Variants in LIN52 observed in about 807,000 individuals in gnomAD.
LIN52 encodes the protein lin-52 DREAM MuvB core complex component.
A neutral mutation model predicts 18.5 loss-of-function variants in LIN52; 4 were observed. The ratio of observed to expected loss-of-function variants is 0.22; its 90% CI spans 0.11 to 0.49. The LOEUF (loss-of-function observed/expected upper bound fraction) is 0.49. Among genes scored for constraint, LIN52 ranks in the 20% least tolerant of loss-of-function variants. LIN52 has a pLI of 0.97. For synonymous variants in LIN52, 34 were observed against 45.5 expected (o/e 0.75, Z 1.02); for missense variants, 102 against 139.5 (o/e 0.73, Z 1.35).
Position 74,168,509 on chromosome 14 carries a change from A to T in LIN52, c.284-30413A>T, listed in dbSNP as rs775129347. Reference sequence around the variant, plus strand: ...TGGTGAAACCCCATCTCTACTAAAAATACAAAAAATTAGCCAGGCGTGGTG... The same window carrying T: ...TGGTGAAACCCCATCTCTACTAAAATTACAAAAAATTAGCCAGGCGTGGTG... On this transcript the variant is annotated intron_variant, in intron 5 of 5. Coordinates refer to ENST00000555028, the MANE Select transcript of LIN52 (RefSeq NM_001024674.3). Among the ~76,000 whole-genome samples the T allele has an allele frequency of 7.1e-4, 108 of 152,004 alleles. No homozygotes were observed. In the Middle Eastern group the frequency reaches 0.01, roughly 14 times the overall value.
chr14:74,117,969 T>C (rs1328800615), intron 5 of LIN52, among the ~76,000 whole-genome samples: 1 of 152,266 alleles, frequency 6.6e-6, no homozygotes, highest in Non-Finnish European at 1.5e-5. Context: ...TGATTTGTTT[T>C]CTCAGGTGTA....
intron 5 of LIN52, among the ~76,000 whole-genome samples, chr14:74,185,583 GAT>G (rs1555385132): frequency 6.6e-6 from 1 of 151,962 alleles, no homozygotes; most frequent in Non-Finnish European, 1.5e-5. Flanking sequence ...AAAGTGCTGG[GAT>G]TACAGGCATG....
chr14:74,163,243 G>A (rs1366633435), intron 5 of LIN52, among the ~76,000 whole-genome samples: 2 of 152,052 alleles, frequency 1.3e-5, no homozygotes, highest in Non-Finnish European at 2.9e-5. Flanking sequence ...ACCATGCCCA[G>A]CTAATTTTTG....
At chr14:74,113,882 C>G (rs1009776331) in intron 5 of LIN52, 1 of 152,076 alleles carries the variant, frequency 6.6e-6, no homozygotes, top group African/African-American at 2.4e-5. Context: ...CACTTTTAGT[C>G]CCTTTATGTG....
intron 5 of LIN52, among the ~76,000 whole-genome samples, chr14:74,159,969 A>G (rs1024151435): frequency 4.6e-5 from 7 of 152,238 alleles, no homozygotes; most frequent in Admixed American, 6.5e-5. Context: ...GTGTACATGT[A>G]TAATTTTCAG....
chr14:74,131,131 G>A (rs115319441), intron 5 of LIN52, among the ~76,000 whole-genome samples: 4,424 of 151,832 alleles, frequency 0.029, 220 homozygotes, highest in African/African-American at 0.1. Flanking sequence ...TTGTCTATTT[G>A]CCTTCTAGGC....
chr14:74,132,156 G>C (rs2061072021), intron 5 of LIN52, among the ~76,000 whole-genome samples: 1 of 152,130 alleles, frequency 6.6e-6, no homozygotes, highest in African/African-American at 2.4e-5. Flanking sequence ...GGTAACTTGA[G>C]GTTCAGAGAG....
At chr14:74,102,906 C>T (rs1054046660) in intron 5 of LIN52, among the ~76,000 whole-genome samples, 1 of 152,078 alleles carries the variant, frequency 6.6e-6, no homozygotes, top group South Asian at 2.1e-4. Context: ...GTAGAGTGAA[C>T]GGAATAATGA....
chr14:74,089,952 C>T lies in LIN52; in HGVS notation c.20-1280C>T, dbSNP rs146848226. Among the ~76,000 whole-genome samples the T allele has an allele frequency of 5.1e-3, 774 of 150,882 alleles. 6 individuals carry two copies. The highest frequency in any genetic ancestry group is 0.017 in the African/African-American group (713 of 41,160). On this transcript the variant is annotated intron_variant, in intron 1 of 5. Transcript: ENST00000555028. ...CGAGCACTTTTGGGCTCCAGCCCCA[C>T]GGTAGCATCTAGGGGTGGGTGCCTG...
At chr14:74,184,557 G>C (rs115353086) in intron 5 of LIN52, among the ~76,000 whole-genome samples, 1 of 152,176 alleles carries the variant, frequency 6.6e-6, no homozygotes, top group Non-Finnish European at 1.5e-5. Context: ...CATGACATCT[G>C]TCTGTTCCAG....
chr14:74,115,185 T>C (rs2060957287), intron 5 of LIN52, among the ~76,000 whole-genome samples: 1 of 152,198 alleles, frequency 6.6e-6, no homozygotes, highest in African/African-American at 2.4e-5. Flanking sequence ...AATTGGAAAT[T>C]AGTGATTGAG....
At chr14:74,085,690 A>G (rs568542788) in intron 1 of LIN52, 1 of 145,160 alleles carries the variant, frequency 6.9e-6, no homozygotes, top group Non-Finnish European at 1.5e-5. Context: ...GTAAAATGCA[A>G]GTCATTTCAA....
At chr14:74,194,095 T>C (rs115765335) in intron 5 of LIN52, among the ~76,000 whole-genome samples, 2,844 of 152,262 alleles carry the variant, frequency 0.019, 88 homozygotes, top group African/African-American at 0.065. Flanking sequence ...ATCTGGACAA[T>C]CTTTCTGTAA....
At chr14:74,085,026 C>A in intron 1 of LIN52, 33 bp downstream of exon 1, 1 of 1,370,348 alleles carries the variant, frequency 7.3e-7, no homozygotes, top group Non-Finnish European at 9.5e-7. Context: ...TTGCCTGCAG[C>A]CTCCTTCTTT....
intron 5 of LIN52, among the ~76,000 whole-genome samples, chr14:74,178,771 GTTC>G (rs1400406336): frequency 2.6e-5 from 4 of 151,752 alleles, no homozygotes; most frequent in East Asian, 2.0e-4. Flanking sequence ...AGCTTTTGTA[GTTC>G]TTCTACCTTC....
At chr14:74,177,926 C>T (rs959977653) in intron 5 of LIN52, among the ~76,000 whole-genome samples, 4 of 152,038 alleles carry the variant, frequency 2.6e-5, no homozygotes, top group Non-Finnish European at 4.4e-5. Context: ...TACAGGCACC[C>T]GCCACCAGGC....
At chr14:74,130,278 G>GTTTGTTTGTTTTTTTTTTTTTTTTTTT (rs1555382571) in intron 5 of LIN52, among the ~76,000 whole-genome samples, 15 of 64,840 alleles carry the variant, frequency 2.3e-4, no homozygotes, top group African/African-American at 9.4e-4. Context: ...GCATTTTTTG[G>GTTTGTTTGTTTTTTTTTTTTTTTTTTT]TTTTTTTTTT....
intron 5 of LIN52, among the ~76,000 whole-genome samples, chr14:74,183,557 G>C (rs1057224779): frequency 6.6e-6 from 1 of 152,082 alleles, no homozygotes; most frequent in Non-Finnish European, 1.5e-5. Flanking sequence ...TGAGGAAAAA[G>C]CTATATTTCC....
At chr14:74,136,553 C>T (rs1220481102) in intron 5 of LIN52, among the ~76,000 whole-genome samples, 2 of 152,144 alleles carry the variant, frequency 1.3e-5, no homozygotes, top group South Asian at 2.1e-4. Flanking sequence ...ATTTCTGCTG[C>T]TGTCAGCTGT....
Sources: gnomAD v4.1 joint callset for allele counts (sites outside exome capture counted in the v4.1 genomes callset) on GRCh38, gnomAD v4.1.1 for gene constraint, MANE v1.5 for transcripts, NCBI Gene and HGNC (gene_info 2026-07-23, HGNC 2026-07-21) for gene names.